Variants in GJA9 observed in about 807,000 individuals in gnomAD.
GJA9 encodes gap junction alpha-9 protein.
GJA9 carries 1 observed loss-of-function variant against 0.4 expected under a neutral mutation model. The observed-to-expected ratio is 2.50, with a 90% CI of 0.89 to 11.88. The LOEUF (loss-of-function observed/expected upper bound fraction) is 11.88. GJA9 is among the 30% of genes most tolerant of loss of function. The pLI, the probability that GJA9 is intolerant of heterozygous loss-of-function variation, is 0.12. For synonymous variants in GJA9, 190 were observed against 219.1 expected (o/e 0.87, Z 1.17); for missense variants, 550 against 602.8 (o/e 0.91, Z 0.92).
intron 1 of GJA9, among the ~76,000 whole-genome samples, chr1:38,878,092 G>C (rs1454410387): frequency 3.1e-5 from 2 of 64,140 alleles, no homozygotes; most frequent in Non-Finnish European, 4.8e-5. Flanking sequence ...TTTTTTTGGT[G>C]GGGGGAGACA....
At chr1:38,880,558 C>T (rs1295419775) in intron 1 of GJA9, among the ~76,000 whole-genome samples, 1 of 149,938 alleles carries the variant, frequency 6.7e-6, no homozygotes, top group Non-Finnish European at 1.5e-5. Flanking sequence ...CACAGGCGGG[C>T]GGATTACGAG....
chr1:38,875,424 T>TA lies in GJA9; in HGVS notation c.674dup (p.Leu225PhefsTer5). 6.2e-7 allele frequency: 1 copy of TA among 1,613,788 alleles called. No homozygotes were observed. The highest frequency in any genetic ancestry group is 8.5e-7 in the Non-Finnish European group (1 of 1,179,894). Reference sequence around the variant, plus strand: ...CTAGGTGGAAAATTTCAAGAATGTTTAAGAAAAGTGAAATAGTGGCTATAG... The same window carrying TA: ...CTAGGTGGAAAATTTCAAGAATGTTTAAAGAAAAGTGAAATAGTGGCTATAG... On this transcript the variant is annotated frameshift_variant, in exon 2 of 2. Coordinates refer to ENST00000357771, the MANE Select transcript of GJA9 (RefSeq NM_030772.5). LOFTEE classifies it low-confidence loss of function (END_TRUNC).
Position 38,881,567 on chromosome 1 carries a change from C to T in GJA9, c.-231G>A. On this transcript the variant is annotated 5_prime_UTR_variant, in exon 1 of 2. The change abolishes an upstream ATG in the 5' untranslated region. Coordinates refer to ENST00000357771, the MANE Select transcript of GJA9 (RefSeq NM_030772.5). ...GTTCAGTTGAATGTAGTGAGTGAGTCATCCATCAACTAAAATCCATGTCCC... is the reference window on the plus strand; with the variant it reads ...GTTCAGTTGAATGTAGTGAGTGAGTTATCCATCAACTAAAATCCATGTCCC... The T allele has an allele frequency of 1.5e-6, 1 of 675,218 alleles. No individual in the cohort carries two copies. The highest frequency in any genetic ancestry group is 1.6e-5 in the South Asian group (1 of 63,054). 41.8% of individuals were successfully genotyped at this position (675,218 alleles called of 1,614,324 possible). A position where few individuals can be genotyped will look rare whatever the true frequency, so the allele number is the denominator to read the frequency against.
chr1:38,875,879 G>A lies in GJA9; in HGVS notation c.220C>T (p.Leu74Phe). Residue 74 changes from leucine (L) to phenylalanine (F), a missense_variant, in exon 2 of 2, where the codon CTC becomes TTC. Leu to Phe is a conservative substitution (Grantham distance 22, BLOSUM62 0). Coordinates refer to ENST00000357771, the MANE Select transcript of GJA9 (RefSeq NM_030772.5). ...ACCTGCAGAACCCAGTATCTAATGAGGGAGATAGGAAAGGCCTGGTCGTAG... is the reference window on the plus strand; with the variant it reads ...ACCTGCAGAACCCAGTATCTAATGAAGGAGATAGGAAAGGCCTGGTCGTAG... ...VCYDQAFPIS[L>F]IRYWVLQVIF... The A allele has an allele frequency of 6.2e-7, 1 of 1,614,214 alleles. No individual in the cohort carries two copies.
In GJA9 at chr1:38,874,420, C is replaced by T; in HGVS notation, c.*131G>A. 1.6e-6 allele frequency: 1 copy of T among 638,680 alleles called. No homozygotes were observed. Among genetic ancestry groups the T allele is most frequent in the African/African-American group, 1.8e-5 (1 of 54,860 alleles). The allele number at this position is 638,680 out of a possible 1,614,324, so 39.6% of individuals were successfully genotyped here. A position where few individuals can be genotyped will look rare whatever the true frequency, so the allele number is the denominator to read the frequency against. ...TCGAATTAGAGCTGTTTTTCTCTTGCTTAAATGAGTTTGCAGTTGTCTGTC... is the reference window on the plus strand; with the variant it reads ...TCGAATTAGAGCTGTTTTTCTCTTGTTTAAATGAGTTTGCAGTTGTCTGTC... On this transcript the variant is annotated 3_prime_UTR_variant, in exon 2 of 2. Transcript: ENST00000357771.
At chr1:38,879,104 G>A (rs186960729) in intron 1 of GJA9, among the ~76,000 whole-genome samples, 38 of 152,224 alleles carry the variant, frequency 2.5e-4, no homozygotes, top group African/African-American at 8.4e-4. Flanking sequence ...CAGTATTATG[G>A]AAACTTTCAC....
At chr1:38,879,585 G>A (rs1446849719) in intron 1 of GJA9, among the ~76,000 whole-genome samples, 1 of 152,056 alleles carries the variant, frequency 6.6e-6, no homozygotes, top group African/African-American at 2.4e-5. Flanking sequence ...CAAATTTGCC[G>A]GAAAGAAACA....
Position 38,874,495 on chromosome 1 carries a change from C to A in GJA9, c.*56G>T, listed in dbSNP as rs1163602818. 1.4e-6 allele frequency: 2 copies of A among 1,382,626 alleles called. No individual in the cohort carries two copies. Among genetic ancestry groups the A allele is most frequent in the Non-Finnish European group, 2.0e-6 (2 of 995,790 alleles). 85.6% of individuals were successfully genotyped at this position (1,382,626 alleles called of 1,614,324 possible). ...CCCTATCTATTTTTTCTGTGCCCCA[C>A]GACCACTAGGCTACTTCTCTGATAA... On this transcript the variant is annotated 3_prime_UTR_variant, in exon 2 of 2. Coordinates refer to ENST00000357771, the MANE Select transcript of GJA9 (RefSeq NM_030772.5).
chr1:38,878,306 T>C (rs1402391732), intron 1 of GJA9, among the ~76,000 whole-genome samples: 1 of 150,342 alleles, frequency 6.7e-6, no homozygotes, highest in Non-Finnish European at 1.5e-5. Context: ...CTTGAACTCC[T>C]GAACCTTGAG....
At position 38,875,972 on chromosome 1, in the gene GJA9, C is replaced by A. The variant is rs377340906; in HGVS notation, c.127G>T (p.Asp43Tyr). Residue 43 changes from aspartate to tyrosine, a missense_variant, in exon 2 of 2, where the codon GAT becomes TAT. Transcript: ENST00000357771. ...CCAGACTGCTCATCATTCCAGACAT[C>A]TTCAGCTGCTACACCCAGAACAAGC... ...RMLVLGVAAE[D>Y]VWNDEQSGFI... 1 of 1,614,206 alleles carries A rather than the reference C, an allele frequency of 6.2e-7. No individual in the cohort carries two copies.
chr1:38,880,536 C>G (rs1266361432), intron 1 of GJA9, among the ~76,000 whole-genome samples: 3 of 151,634 alleles, frequency 2.0e-5, no homozygotes, highest in Non-Finnish European at 2.9e-5. Context: ...GTAATCCCAG[C>G]ACTTTGGGAG....
Position 38,875,581 on chromosome 1 carries a change from A to G in GJA9, c.518T>C (p.Ile173Thr), listed in dbSNP as rs1557599835. 6.2e-7 allele frequency: 1 copy of G among 1,614,260 alleles called. No individual in the cohort carries two copies. The change falls in exon 2 of 2, where the codon ATT becomes ACT. Residue 173 changes from isoleucine (I) to threonine (T), a missense_variant. By Grantham distance (89) the Ile-to-Thr change is moderately conservative. Transcript: ENST00000357771. ...AAATCCATATAAAAGGTACTGTCCA[A>G]TCATGAATCCAACTTCAACCACAGA... ...TRSVVEVGFM[I>T]GQYLLYGFHL...
intron 1 of GJA9, among the ~76,000 whole-genome samples, chr1:38,880,896 AAT>A (rs1642686963): frequency 6.6e-6 from 1 of 152,204 alleles, no homozygotes; most frequent in South Asian, 2.1e-4. Flanking sequence ...AAAAACATAA[AAT>A]AATAATACAA....
rs771749345 is a variant in GJA9 at position 38,875,795 on chromosome 1, C to G, written c.304G>C (p.Val102Leu). Residue 102 changes from valine (V) to leucine (L), a missense_variant, in exon 2 of 2, where the codon GTT becomes CTT. Val to Leu is a conservative substitution (Grantham distance 32). Transcript: ENST00000357771. Reference protein sequence around the residue: ...YMGHALYRLRVLEEERQRMKA... With the variant: ...YMGHALYRLRLLEEERQRMKA... ...ATCCTTTGCCTCTCTTCCTCAAGAA[C>G]TCTCAGTCGGTACAATGCATGGCCC... 6.2e-7 allele frequency: 1 copy of G among 1,614,250 alleles called. No individual in the cohort carries two copies. The highest frequency in any genetic ancestry group is 1.7e-5 in the Admixed American group (1 of 60,022).
intron 1 of GJA9, among the ~76,000 whole-genome samples, chr1:38,880,412 TA>T (rs1282127250): frequency 8.0e-5 from 6 of 74,944 alleles, no homozygotes; most frequent in African/African-American, 3.1e-4. Context: ...CAAAAAAAAA[TA>T]AATAATAATA....
chr1:38,877,800 A>G (rs1328193099), intron 1 of GJA9, among the ~76,000 whole-genome samples: 2 of 152,136 alleles, frequency 1.3e-5, no homozygotes, highest in South Asian at 4.1e-4. Flanking sequence ...CCCGGTCAAA[A>G]AGTCAGTGAT....
chr1:38,874,736 G>A lies in GJA9; in HGVS notation c.1363C>T (p.Leu455Phe). 5 of 1,614,198 alleles carry A rather than the reference G, an allele frequency of 3.1e-6. No homozygotes were observed. Among genetic ancestry groups the A allele is most frequent in the Middle Eastern group, 3.3e-4 (2 of 6,062 alleles). Residue 455 changes from leucine (L) to phenylalanine (F), a missense_variant, in exon 2 of 2, where the codon CTT becomes TTT. By Grantham distance (22) the Leu-to-Phe change is conservative. Coordinates refer to ENST00000357771, the MANE Select transcript of GJA9 (RefSeq NM_030772.5). ...GQFRKGTVRTLPPSQGDSQSL... is the reference protein window; with the variant it reads ...GQFRKGTVRTFPPSQGDSQSL... ...TGAGAATCTCCTTGTGAAGGAGGAA[G>A]GGTTCTGACTGTGCCCTTTCTGAAC...
rs1336481679 is a variant in GJA9 at position 38,874,548 on chromosome 1, T to C, written c.*3A>G. The stretch of plus-strand genomic sequence containing the variant: ...TATATAATGTCTAAAAGCCAACCGC[T>C]GTTTAGATCTGAAGATCTGTGGGAA... On this transcript the variant is annotated 3_prime_UTR_variant, in exon 2 of 2. Coordinates refer to ENST00000357771, the MANE Select transcript of GJA9 (RefSeq NM_030772.5). 6.2e-7 allele frequency: 1 copy of C among 1,605,590 alleles called. No homozygotes were observed. The highest frequency in any genetic ancestry group is 1.7e-5 in the Admixed American group (1 of 59,658).
rs538361766 is a variant in GJA9, at chr1:38,879,765, C to G, written c.-96+1667G>C. Among the ~76,000 whole-genome samples the G allele has an allele frequency of 2.6e-5, 4 of 152,218 alleles. No homozygotes were observed. In the East Asian group the frequency reaches 7.8e-4, roughly 30 times the overall value. On this transcript the variant is annotated intron_variant, in intron 1 of 1. Coordinates refer to ENST00000357771, the MANE Select transcript of GJA9 (RefSeq NM_030772.5). ...TTTCTGAGACGGAGTCTCGCCCTGT[C>G]GCCCAGGCTGGGGTGCAGTGGCGCG...
Sources: gnomAD v4.1 joint callset for allele counts (sites outside exome capture counted in the v4.1 genomes callset) on GRCh38, gnomAD v4.1.1 for gene constraint, MANE v1.5 for transcripts, NCBI Gene and HGNC (gene_info 2026-07-23, HGNC 2026-07-21) for gene names.